Variants in GPR174 observed in about 807,000 individuals in gnomAD.
GPR174 encodes the protein G protein-coupled receptor 174.
GPR174 carries 8 observed loss-of-function variants against 16.5 expected under a neutral mutation model. The ratio of observed to expected loss-of-function variants is 0.48; its 90% CI spans 0.28 to 0.87. The LOEUF is 0.87. Among genes scored for constraint, GPR174 ranks in the 40% least tolerant of loss-of-function variants. The pLI is 0.09. For missense variants in GPR174, 214 were observed against 247.5 expected, an observed-to-expected ratio of 0.86 and a Z score of 0.91; for synonymous variants, 111 against 94.8, an observed-to-expected ratio of 1.17 and a Z score of -0.99.
intron 1 of GPR174, among the ~76,000 whole-genome samples, chrX:79,154,002 T>C (rs1473795920): frequency 3.6e-5 from 4 of 111,964 alleles, no homozygotes; most frequent in Non-Finnish European, 7.5e-5. Flanking sequence ...TTTAAAATGC[T>C]GAATCAGTTC....
At chrX:79,157,176 T>C (rs779124052) in intron 2 of GPR174, among the ~76,000 whole-genome samples, 1 of 112,079 alleles carries the variant, frequency 8.9e-6, no homozygotes, top group East Asian at 2.8e-4. Flanking sequence ...GCTGAGTCTT[T>C]TTTGCCTGAG....
At chrX:79,152,937 G>A (rs1921012862) in intron 1 of GPR174, among the ~76,000 whole-genome samples, 1 of 112,159 alleles carries the variant, frequency 8.9e-6, no homozygotes, top group Admixed American at 9.4e-5. Flanking sequence ...ACATTGAGTT[G>A]TACTTGCCTT....
At chrX:79,147,594 G>A (rs1926526157) in intron 1 of GPR174, among the ~76,000 whole-genome samples, 1 of 107,201 alleles carries the variant, frequency 9.3e-6, no homozygotes, top group African/African-American at 3.4e-5. Context: ...GGAAGTGTAT[G>A]TGCTGTATTG....
chrX:79,168,757 A>G (rs754766922), intron 2 of GPR174, among the ~76,000 whole-genome samples: 1 of 110,962 alleles, frequency 9.0e-6, no homozygotes, highest in Non-Finnish European at 1.9e-5. Flanking sequence ...TAATTTGATA[A>G]TCTAGTATTT....
At chrX:79,151,201 T>C (rs991898609) in intron 1 of GPR174, among the ~76,000 whole-genome samples, 1 of 111,589 alleles carries the variant, frequency 9.0e-6, no homozygotes, top group African/African-American at 3.3e-5. Flanking sequence ...ATTTTTAAAA[T>C]TGTACACTTA....
chrX:79,154,333 A>G (rs1214629597), intron 1 of GPR174, among the ~76,000 whole-genome samples: 2 of 112,064 alleles, frequency 1.8e-5, no homozygotes, highest in Non-Finnish European at 3.8e-5. Flanking sequence ...CCTGGATACT[A>G]TCTTCTAGTT....
At chrX:79,160,981 T>C (rs1921221527) in intron 2 of GPR174, among the ~76,000 whole-genome samples, 1 of 111,951 alleles carries the variant, frequency 8.9e-6, no homozygotes, top group African/African-American at 3.2e-5. Flanking sequence ...CTGGAAAAGC[T>C]TGTCTAAATT....
Position 79,170,585 on chromosome X carries a change from G to A in GPR174, c.-423G>A, listed in dbSNP as rs1351390760. ...ACTAAAGCAATCCTTTCTTCTATGT[G>A]AGCCAAAAAAAGAAAAACGGCCTGC... On this transcript the variant is annotated 5_prime_UTR_variant, in exon 3 of 3. An upstream open reading frame in the 5' UTR loses its in-frame stop. Coordinates refer to ENST00000645147, the MANE Select transcript of GPR174 (RefSeq NM_032553.3). 1 of 123,016 alleles carries A rather than the reference G, an allele frequency of 8.1e-6. No individual in the cohort carries two copies. Among genetic ancestry groups the A allele is most frequent in the Non-Finnish European group, 1.7e-5 (1 of 60,440 alleles). The allele number at this position is 123,016 out of a possible 1,213,427, so 10.1% of individuals were successfully genotyped here. A position where few individuals can be genotyped will look rare whatever the true frequency, so the allele number is the denominator to read the frequency against.
At chrX:79,149,536 C>G (rs1344315518) in intron 1 of GPR174, among the ~76,000 whole-genome samples, 3 of 111,987 alleles carry the variant, frequency 2.7e-5, no homozygotes, top group Admixed American at 1.9e-4. Flanking sequence ...CATATCAAGA[C>G]ATCTGGTACA....
chrX:79,164,882 C>T (rs1045455678), intron 2 of GPR174, among the ~76,000 whole-genome samples: 5 of 111,174 alleles, frequency 4.5e-5, no homozygotes, highest in Admixed American at 9.6e-5. Flanking sequence ...CCCACCCATA[C>T]CTCCCTCAAA....
chrX:79,147,877 A>T (rs1291911031), intron 1 of GPR174, among the ~76,000 whole-genome samples: 1 of 111,875 alleles, frequency 8.9e-6, no homozygotes, highest in African/African-American at 3.3e-5. Flanking sequence ...GCTATCTGAG[A>T]TCTGAAAATT....
chrX:79,157,104 C>A (rs1196773122), intron 2 of GPR174, among the ~76,000 whole-genome samples, 186 bp downstream of exon 2: 1 of 111,747 alleles, frequency 8.9e-6, no homozygotes, highest in East Asian at 2.8e-4. Flanking sequence ...TCTTACAGAA[C>A]ACGAAAAGCT....
At position 79,170,988 on chromosome X, in the gene GPR174, T is replaced by C. The variant is rs755577783; in HGVS notation, c.-20T>C. 12 of 1,152,443 alleles carry C rather than the reference T, an allele frequency of 1.0e-5. No individual in the cohort carries two copies. In the East Asian group the frequency reaches 1.5e-4, roughly 14 times the overall value. 95.0% of individuals were successfully genotyped at this position (1,152,443 alleles called of 1,213,427 possible). ...GTTTTGAACCACCATTAGGCAAAGA[T>C]AGTTTCTCTAGAGAGAATCATGCCT... is the stretch of plus-strand genomic sequence containing the variant. On this transcript the variant is annotated 5_prime_UTR_variant, in exon 3 of 3. Transcript: ENST00000645147.
At chrX:79,164,732 C>T (rs1267837836) in intron 2 of GPR174, among the ~76,000 whole-genome samples, 2 of 111,665 alleles carry the variant, frequency 1.8e-5, no homozygotes, top group Non-Finnish European at 3.8e-5. Context: ...GAACCAGAAT[C>T]CTGTTTAGTA....
At chrX:79,160,526 G>A (rs1300447722) in intron 2 of GPR174, among the ~76,000 whole-genome samples, 2 of 111,909 alleles carry the variant, frequency 1.8e-5, no homozygotes, top group Non-Finnish European at 3.8e-5. Flanking sequence ...TACTAAGTGT[G>A]TGTGGTGTGT....
At chrX:79,169,134 C>T (rs73231598) in intron 2 of GPR174, among the ~76,000 whole-genome samples, 3,408 of 111,448 alleles carry the variant, frequency 0.031, 65 homozygotes, top group African/African-American at 0.067. Flanking sequence ...GCAATCAATT[C>T]CCTTTCTCTC....
chrX:79,164,219 CT>C (rs1158856293), intron 2 of GPR174, among the ~76,000 whole-genome samples: 11 of 111,011 alleles, frequency 9.9e-5, no homozygotes, highest in Admixed American at 9.6e-4. Flanking sequence ...CACCACACCC[CT>C]ATGCCTTCCT....
chrX:79,147,430 T>C (rs1926521272), intron 1 of GPR174, among the ~76,000 whole-genome samples: 1 of 108,081 alleles, frequency 9.3e-6, no homozygotes, highest in South Asian at 4.1e-4. Context: ...CCTAATATTG[T>C]AACAGACCTT....
At chrX:79,165,190 T>C (rs184980522) in intron 2 of GPR174, among the ~76,000 whole-genome samples, 52 of 110,873 alleles carry the variant, frequency 4.7e-4, no homozygotes, top group African/African-American at 1.7e-3. Flanking sequence ...ATTTTTGTTG[T>C]TGTTGCTATT....
Sources: gnomAD v4.1 joint callset for allele counts (sites outside exome capture counted in the v4.1 genomes callset) on GRCh38, gnomAD v4.1.1 for gene constraint, MANE v1.5 for transcripts, NCBI Gene and HGNC (gene_info 2026-07-23, HGNC 2026-07-21) for gene names.